The following NRG3 variants were observed in gnomAD, a reference collection of about 807,000 sequenced individuals.
NRG3 encodes pro-neuregulin-3, membrane-bound isoform.
NRG3 carries 31 observed loss-of-function variants against 66.9 expected under a neutral mutation model. The observed-to-expected ratio is 0.46, with a 90% CI of 0.35 to 0.63. The LOEUF is 0.63. Ranked by LOEUF, NRG3 falls within the 20% of genes least tolerant of loss-of-function variation. NRG3 has a pLI of 0.00. For synonymous variants in NRG3, 393 were observed against 359.4 expected, an observed-to-expected ratio of 1.09 and a Z score of -1.06; for missense variants, 910 against 878.9, an observed-to-expected ratio of 1.04 and a Z score of -0.45.
intron 2 of NRG3, among the ~76,000 whole-genome samples, chr10:82,662,254 G>A (rs896705696): frequency 6.6e-6 from 1 of 151,968 alleles, no homozygotes; most frequent in African/African-American, 2.4e-5. Flanking sequence ...TGTGGGTTGG[G>A]GGCAAGAAGT....
intron 2 of NRG3, among the ~76,000 whole-genome samples, chr10:82,675,853 A>G (rs2053644432): frequency 6.6e-6 from 1 of 152,184 alleles, no homozygotes; most frequent in Non-Finnish European, 1.5e-5. Flanking sequence ...TCTATCTGGG[A>G]TGTACCTTAC....
chr10:82,508,923 A>G (rs1844917016), intron 2 of NRG3, among the ~76,000 whole-genome samples: 1 of 152,118 alleles, frequency 6.6e-6, no homozygotes, highest in South Asian at 2.1e-4. Context: ...ATTTTTCTTC[A>G]TCTTTGGGAG....
At chr10:82,925,720 G>A (rs1846918089) in intron 4 of NRG3, among the ~76,000 whole-genome samples, 1 of 152,198 alleles carries the variant, frequency 6.6e-6, no homozygotes, top group Non-Finnish European at 1.5e-5. Context: ...TTTATAGCCT[G>A]TGAGTCATTA....
chr10:82,763,816 A>G (rs1299325885), intron 3 of NRG3, among the ~76,000 whole-genome samples: 1 of 152,230 alleles, frequency 6.6e-6, no homozygotes, highest in African/African-American at 2.4e-5. Context: ...TGCAAGTAAA[A>G]TATGTGTATT....
intron 2 of NRG3, among the ~76,000 whole-genome samples, chr10:82,532,951 G>C (rs951694862): frequency 2.7e-5 from 4 of 150,736 alleles, no homozygotes; most frequent in Non-Finnish European, 5.9e-5. Context: ...TTATTTTCTG[G>C]GGTTTTGTTT....
rs547654930 is a variant in NRG3 at position 82,240,974 on chromosome 10, G to GT, written c.824-117764dup. ...TTTGTAACTTTCTTAATCAAATGCT[G>GT]TGGAGACAAACTGCAAGAGGAAAGG... On this transcript the variant is annotated intron_variant, in intron 1 of 8. Coordinates refer to ENST00000372141, the MANE Select transcript of NRG3 (RefSeq NM_001010848.4). Among the ~76,000 whole-genome samples the GT allele has an allele frequency of 6.3e-4, 96 of 152,146 alleles. No homozygotes were observed. The East Asian group carries it at 0.018, about 28-fold the overall frequency.
At chr10:82,955,026 T>C (rs2132400308) in intron 5 of NRG3, among the ~76,000 whole-genome samples, 1 of 152,024 alleles carries the variant, frequency 6.6e-6, no homozygotes, top group South Asian at 2.1e-4. Context: ...CACTTGAACC[T>C]CCATTCGATA....
intron 2 of NRG3, among the ~76,000 whole-genome samples, chr10:82,651,976 G>T (rs2051450786): frequency 6.6e-6 from 1 of 152,208 alleles, no homozygotes; most frequent in African/African-American, 2.4e-5. Context: ...TTGACTCCTT[G>T]TGGGAGGAAG....
intron 3 of NRG3, among the ~76,000 whole-genome samples, chr10:82,786,284 G>T (rs1342115807): frequency 2.0e-5 from 3 of 152,162 alleles, no homozygotes. Context: ...CCTAGGGACA[G>T]GGCTTCATGA....
chr10:82,241,855 G>T (rs74146526), intron 1 of NRG3, among the ~76,000 whole-genome samples: 1,591 of 152,228 alleles, frequency 0.01, 28 homozygotes, highest in African/African-American at 0.036. Flanking sequence ...TCTGTGTAAA[G>T]CAACAGACAG....
At chr10:82,682,182 C>T (rs1483314546) in intron 2 of NRG3, among the ~76,000 whole-genome samples, 2 of 152,146 alleles carry the variant, frequency 1.3e-5, no homozygotes, top group African/African-American at 4.8e-5. Context: ...CTTGAAGCAC[C>T]ATGTCCTCTC....
chr10:82,242,205 C>T (rs947193907), intron 1 of NRG3, among the ~76,000 whole-genome samples: 7 of 152,098 alleles, frequency 4.6e-5, no homozygotes, highest in Admixed American at 1.3e-4. Context: ...AAATGTAATC[C>T]AACTTCAATC....
intron 2 of NRG3, among the ~76,000 whole-genome samples, chr10:82,466,311 A>G (rs913827554): frequency 6.6e-6 from 1 of 152,036 alleles, no homozygotes; most frequent in Non-Finnish European, 1.5e-5. Context: ...TCTTCCCCAA[A>G]AAGAATATGC....
At chr10:82,600,480 C>T (rs1415328213) in intron 2 of NRG3, among the ~76,000 whole-genome samples, 2 of 151,880 alleles carry the variant, frequency 1.3e-5, no homozygotes, top group African/African-American at 4.8e-5. Context: ...TATTTATTTG[C>T]TATTTTTTGA....
intron 2 of NRG3, among the ~76,000 whole-genome samples, chr10:82,427,423 T>C (rs951904163): frequency 2.6e-5 from 4 of 152,190 alleles, no homozygotes; most frequent in Admixed American, 6.5e-5. Flanking sequence ...CTTTTTCTAC[T>C]ATCATGGAGA....
chr10:82,052,450 G>A (rs112897681), intron 1 of NRG3, among the ~76,000 whole-genome samples: 2,814 of 152,198 alleles, frequency 0.018, 90 homozygotes, highest in African/African-American at 0.064. Flanking sequence ...GGAGGAATGG[G>A]CCATCATTTC....
At chr10:82,219,376 G>A (rs921018280) in intron 1 of NRG3, among the ~76,000 whole-genome samples, 14 of 151,088 alleles carry the variant, frequency 9.3e-5, no homozygotes, top group African/African-American at 3.4e-4. Flanking sequence ...ATCCAAACTC[G>A]AGATTCGCTG....
At chr10:82,703,727 G>T (rs936950465) in intron 2 of NRG3, among the ~76,000 whole-genome samples, 20 of 152,116 alleles carry the variant, frequency 1.3e-4, no homozygotes, top group African/African-American at 4.8e-4. Flanking sequence ...AACTGTCTAA[G>T]CCGGGATGCT....
chr10:82,271,669 C>T (rs796760444), intron 1 of NRG3, among the ~76,000 whole-genome samples: 16 of 152,176 alleles, frequency 1.1e-4, no homozygotes, highest in African/African-American at 3.6e-4. Context: ...TGTTTTCCTG[C>T]ACCAACTAGC....
Sources: allele counts gnomAD v4.1 joint callset (sites outside exome capture counted in the v4.1 genomes callset), GRCh38; gene constraint gnomAD v4.1.1; transcripts MANE v1.5; gene names NCBI Gene and HGNC (gene_info 2026-07-23, HGNC 2026-07-21).